Variants in OSBPL2 observed in about 807,000 individuals in gnomAD.
OSBPL2 encodes the protein oxysterol binding protein like 2.
In OSBPL2, 18 loss-of-function variants were observed where a neutral mutation model predicts 58.4. That is an observed-to-expected ratio of 0.31 (90% CI 0.21 to 0.46). The LOEUF (loss-of-function observed/expected upper bound fraction) is 0.46, where lower values mean the gene tolerates loss of function less well. Ranked by LOEUF, OSBPL2 falls within the 20% of genes least tolerant of loss-of-function variation. OSBPL2 has a pLI of 1.00. For missense variants in OSBPL2, 461 were observed against 616.5 expected (o/e 0.75, Z 2.67); for synonymous variants, 221 against 234.1 (o/e 0.94, Z 0.51).
At chr20:62,291,314 G>C in intron 12 of OSBPL2, 1 of 331,796 alleles carries the variant, frequency 3.0e-6, no homozygotes, top group Non-Finnish European at 5.9e-6. Flanking sequence ...AAGGGAGCTC[G>C]TCTTTGGGAG....
At chr20:62,292,145 T>C (rs2060013241) in intron 13 of OSBPL2, among the ~76,000 whole-genome samples, 1 of 152,192 alleles carries the variant, frequency 6.6e-6, no homozygotes, top group South Asian at 2.1e-4. Context: ...GGCCTCATGG[T>C]GTGTTGGCCC....
chr20:62,252,265 G>A (rs1980608545), intron 1 of OSBPL2, among the ~76,000 whole-genome samples: 1 of 152,164 alleles, frequency 6.6e-6, no homozygotes, highest in African/African-American at 2.4e-5. Context: ...TGTACGATAG[G>A]TTTTGACACG....
chr20:62,281,199 G>A, intron 8 of OSBPL2, 34 bp downstream of exon 8: 1 of 1,498,678 alleles, frequency 6.7e-7, no homozygotes, highest in Non-Finnish European at 9.3e-7. Context: ...GAGAGCGCGA[G>A]GCTCCGGGTG....
chr20:62,246,104 C>G (rs1388464010), intron 1 of OSBPL2, among the ~76,000 whole-genome samples: 1 of 152,256 alleles, frequency 6.6e-6, no homozygotes, highest in Non-Finnish European at 1.5e-5. Context: ...GGACCTGCGC[C>G]TGGGGCTGGC....
chr20:62,268,889 C>G (rs1981871176), intron 4 of OSBPL2, among the ~76,000 whole-genome samples: 1 of 152,118 alleles, frequency 6.6e-6, no homozygotes, highest in Non-Finnish European at 1.5e-5. Context: ...AACCCTGTCT[C>G]TACTAAAAAT....
intron 6 of OSBPL2, among the ~76,000 whole-genome samples, chr20:62,274,432 A>G (rs1244901162): frequency 6.6e-6 from 1 of 151,926 alleles, no homozygotes; most frequent in African/African-American, 2.4e-5. Context: ...CTGCCCGTGG[A>G]CCCCGTCATT....
rs35907950 is a variant in OSBPL2, at chr20:62,263,649, C to T, written c.216C>T (p.Ser72=). The T allele has an allele frequency of 2.1e-3, 3,325 of 1,614,134 alleles. 66 individuals are homozygous for T. The African/African-American group carries it at 0.04, about 20-fold the overall frequency. ...TSLPAPMFSR[S]DFSVWTILKK... is the part of the protein sequence containing the mutation. Reference sequence around the variant, plus strand: ...TGCCGGCTCCCATGTTCAGCAGAAGCGACTTCAGCGTGTGGACCATCCTGA... The same window carrying T: ...TGCCGGCTCCCATGTTCAGCAGAAGTGACTTCAGCGTGTGGACCATCCTGA... Residue 72 remains serine (S), a synonymous_variant, in exon 4 of 14, where the codon AGC becomes AGT. Transcript: ENST00000313733.
chr20:62,279,374 C>T (rs564535677), intron 7 of OSBPL2, 35 bp downstream of exon 7: 1 of 1,597,486 alleles, frequency 6.3e-7, no homozygotes, highest in African/African-American at 1.3e-5. Flanking sequence ...GATCCGCTTC[C>T]TGCAGAAACT....
At chr20:62,292,922 C>T (rs910656445) in intron 13 of OSBPL2, among the ~76,000 whole-genome samples, 2 of 150,130 alleles carry the variant, frequency 1.3e-5, no homozygotes, top group African/African-American at 4.9e-5. Flanking sequence ...GGCTGGAGTG[C>T]AGTGGCGTGA....
chr20:62,293,905 G>A lies in OSBPL2; in HGVS notation c.*18G>A, dbSNP rs768129346. On this transcript the variant is annotated 3_prime_UTR_variant, in exon 14 of 14. Coordinates refer to ENST00000313733, the MANE Select transcript of OSBPL2 (RefSeq NM_144498.4). ...TCTACTGAGGGCCTGGAGGGGCCTGGGGCCCGGGACCGGAGGCTGACGAGG... is the reference window on the plus strand; with the variant it reads ...TCTACTGAGGGCCTGGAGGGGCCTGAGGCCCGGGACCGGAGGCTGACGAGG... 3.1e-6 allele frequency: 5 copies of A among 1,611,714 alleles called. No homozygotes were observed. The highest frequency in any genetic ancestry group is 4.2e-6 in the Non-Finnish European group (5 of 1,179,244).
At chr20:62,254,088 AC>A (rs1260959948) in intron 1 of OSBPL2, among the ~76,000 whole-genome samples, 1 of 152,168 alleles carries the variant, frequency 6.6e-6, no homozygotes, top group Non-Finnish European at 1.5e-5. Flanking sequence ...GTGAGCCAAC[AC>A]GCCCGGCCGA....
intron 13 of OSBPL2, 64 bp from the exon 14 acceptor site, chr20:62,293,721 G>C (rs1983674271): frequency 1.3e-6 from 2 of 1,487,408 alleles, no homozygotes; most frequent in Non-Finnish European, 1.8e-6. Context: ...CCTGCACCCA[G>C]AACAGGGCTG....
At chr20:62,272,099 C>T (rs1198635678) in intron 4 of OSBPL2, 26 bp from the exon 5 acceptor site, 6 of 1,612,540 alleles carry the variant, frequency 3.7e-6, no homozygotes, top group Admixed American at 1.7e-5. Context: ...GCAGCAGTAA[C>T]CAGCGAGTCT....
chr20:62,273,770 A>G (rs1403289846), intron 6 of OSBPL2, among the ~76,000 whole-genome samples: 1 of 152,228 alleles, frequency 6.6e-6, no homozygotes, highest in Non-Finnish European at 1.5e-5. Context: ...GAGCAAAACT[A>G]GGCTGTTTCA....
intron 1 of OSBPL2, among the ~76,000 whole-genome samples, 177 bp from the exon 2 acceptor site, chr20:62,255,880 A>G (rs1007218805): frequency 1.3e-5 from 2 of 152,236 alleles, no homozygotes; most frequent in Non-Finnish European, 2.9e-5. Flanking sequence ...ATCTTCCGTT[A>G]TAAATGCTCC....
chr20:62,264,166 G>A (rs746340476), intron 4 of OSBPL2, among the ~76,000 whole-genome samples: 2 of 152,168 alleles, frequency 1.3e-5, no homozygotes, highest in South Asian at 4.1e-4. Context: ...AGGGGAAGAG[G>A]TGTTCTGTAG....
intron 1 of OSBPL2, among the ~76,000 whole-genome samples, chr20:62,254,478 G>A (rs961149107): frequency 1.4e-4 from 21 of 152,236 alleles, no homozygotes; most frequent in Non-Finnish European, 2.4e-4. Flanking sequence ...TGTCTGCGCC[G>A]GCCTTCAGGG....
At chr20:62,249,067 A>T (rs1466705812) in intron 1 of OSBPL2, among the ~76,000 whole-genome samples, 1 of 152,154 alleles carries the variant, frequency 6.6e-6, no homozygotes, top group Non-Finnish European at 1.5e-5. Context: ...GTGGTAGGAC[A>T]TTTTGAGATC....
intron 1 of OSBPL2, chr20:62,239,056 G>T (rs566524565): frequency 6.6e-6 from 1 of 152,308 alleles, no homozygotes; most frequent in South Asian, 2.1e-4. Context: ...CATTTAGGGC[G>T]ATCCTGTAGG....
Sources: allele counts gnomAD v4.1 joint callset (sites outside exome capture counted in the v4.1 genomes callset), GRCh38; gene constraint gnomAD v4.1.1; transcripts MANE v1.5; gene names NCBI Gene and HGNC (gene_info 2026-07-23, HGNC 2026-07-21).